The following SOX5 variants were observed in gnomAD, a reference collection of about 807,000 sequenced individuals.
The protein encoded by SOX5 is SRY-box transcription factor 5, also known as transcription factor SOX-5.
Under a neutral mutation model 92.0 loss-of-function variants are expected in SOX5, and 9 were observed. The observed-to-expected ratio is 0.10, with a 90% CI of 0.06 to 0.17. The LOEUF (loss-of-function observed/expected upper bound fraction) is 0.17. Ranked by LOEUF, SOX5 falls within the 10% of genes least tolerant of loss-of-function variation. The pLI is 1.00. For synonymous variants in SOX5, 344 were observed against 336.3 expected, an observed-to-expected ratio of 1.02 and a Z score of -0.25; for missense variants, 642 against 944.5, an observed-to-expected ratio of 0.68 and a Z score of 4.20.
At chr12:23,883,868 C>A (rs2097028763) in intron 2 of SOX5, among the ~76,000 whole-genome samples, 1 of 152,092 alleles carries the variant, frequency 6.6e-6, no homozygotes, top group African/African-American at 2.4e-5. Context: ...ATAACTGAAT[C>A]TGTTATAAAT....
intron 4 of SOX5, among the ~76,000 whole-genome samples, chr12:23,976,406 CAAAAAAA>C (rs869250917): frequency 2.6e-5 from 1 of 37,882 alleles, no homozygotes; most frequent in African/African-American, 8.7e-5. Context: ...AACAAAAAAA[CAAAAAAA>C]AAAAAAAAAA....
chr12:24,256,477 C>T (rs1267904518), intron 3 of SOX5, among the ~76,000 whole-genome samples: 2 of 152,166 alleles, frequency 1.3e-5, no homozygotes, highest in Non-Finnish European at 2.9e-5. Context: ...CGCCTTTTCC[C>T]GGGCCCTTCT....
At chr12:23,823,847 G>A (rs1199548479) in intron 3 of SOX5, among the ~76,000 whole-genome samples, 1 of 152,086 alleles carries the variant, frequency 6.6e-6, no homozygotes, top group Non-Finnish European at 1.5e-5. Context: ...TTGTCTTCAT[G>A]CTTTATTTCA....
At chr12:23,925,910 A>C (rs558556237) in intron 1 of SOX5, among the ~76,000 whole-genome samples, 1 of 152,206 alleles carries the variant, frequency 6.6e-6, no homozygotes, top group South Asian at 2.1e-4. Flanking sequence ...AAAAAATATA[A>C]TGTGGCACCA....
At chr12:23,890,796 C>T (rs947696359) in intron 2 of SOX5, among the ~76,000 whole-genome samples, 6 of 150,794 alleles carry the variant, frequency 4.0e-5, no homozygotes, top group African/African-American at 1.5e-4. Context: ...GAAGCAACAG[C>T]CTCCAAAGTC....
intron 2 of SOX5, among the ~76,000 whole-genome samples, chr12:24,311,305 T>G (rs1949152380): frequency 6.6e-6 from 1 of 152,208 alleles, no homozygotes; most frequent in Admixed American, 6.5e-5. Context: ...AAAAATATAG[T>G]TTTTCCTGGG....
At chr12:24,205,221 C>T (rs992775761) in intron 4 of SOX5, among the ~76,000 whole-genome samples, 15 of 152,138 alleles carry the variant, frequency 9.9e-5, no homozygotes, top group Non-Finnish European at 4.4e-5. Context: ...AGGCTTTACA[C>T]TTTTGAAGTA....
chr12:24,237,409 T>G (rs774603700), intron 3 of SOX5, among the ~76,000 whole-genome samples: 1 of 152,220 alleles, frequency 6.6e-6, no homozygotes, highest in African/African-American at 2.4e-5. Context: ...TTGGTCAATA[T>G]GAAAGTCGTT....
chr12:24,173,820 A>G (rs1337086291), intron 4 of SOX5, among the ~76,000 whole-genome samples: 1 of 152,172 alleles, frequency 6.6e-6, no homozygotes, highest in African/African-American at 2.4e-5. Context: ...AGTTAGGAAT[A>G]AGAAGTTATC....
chr12:24,093,409 A>G (rs1435777725), intron 4 of SOX5, among the ~76,000 whole-genome samples: 3 of 151,692 alleles, frequency 2.0e-5, no homozygotes, highest in Non-Finnish European at 4.4e-5. Flanking sequence ...TGTAGTCCCA[A>G]CTACTCGGGA....
At chr12:23,689,230 T>C (rs962539381) in intron 6 of SOX5, among the ~76,000 whole-genome samples, 2 of 152,094 alleles carry the variant, frequency 1.3e-5, no homozygotes, top group Non-Finnish European at 2.9e-5. Context: ...TATAGTTAAA[T>C]TCTTACTTAG....
intron 4 of SOX5, 72 bp downstream of exon 4, chr12:23,755,566 A>G (rs2094340379): frequency 3.7e-6 from 4 of 1,081,936 alleles, no homozygotes; most frequent in Non-Finnish European, 5.5e-6. Flanking sequence ...GAAATACTTT[A>G]TCACCATTAC....
chr12:23,889,356 T>A lies in SOX5; in HGVS notation c.270+6437A>T, dbSNP rs1158387802. Among the ~76,000 whole-genome samples the A allele has an allele frequency of 2.6e-5, 4 of 152,328 alleles. No homozygotes were observed. The East Asian group carries it at 7.7e-4, about 29-fold the overall frequency. On this transcript the variant is annotated intron_variant, in intron 2 of 14. Coordinates refer to ENST00000451604, the MANE Select transcript of SOX5 (RefSeq NM_006940.6). ...CCCTATTCTGTGACTTATTTTTAAG[T>A]AACACATGCATTTTTCTCTTTTCCT...
chr12:24,485,835 A>G (rs1946461712), intron 1 of SOX5, among the ~76,000 whole-genome samples: 1 of 152,320 alleles, frequency 6.6e-6, no homozygotes, highest in South Asian at 2.1e-4. Context: ...ACACATATTC[A>G]GTACATGCCT....
At chr12:24,294,889 G>T in intron 2 of SOX5, among the ~76,000 whole-genome samples, 1 of 152,126 alleles carries the variant, frequency 6.6e-6, no homozygotes, top group East Asian at 1.9e-4. Flanking sequence ...GCCTAATGCT[G>T]CATTTTCTGA....
intron 2 of SOX5, among the ~76,000 whole-genome samples, chr12:24,345,949 C>T (rs1328935324): frequency 6.6e-6 from 1 of 152,208 alleles, no homozygotes; most frequent in Non-Finnish European, 1.5e-5. Flanking sequence ...ATTACTACTA[C>T]ACATTAGTGT....
intron 1 of SOX5, among the ~76,000 whole-genome samples, chr12:24,418,968 G>A (rs903192320): frequency 2.6e-5 from 4 of 152,230 alleles, no homozygotes; most frequent in African/African-American, 9.6e-5. Context: ...AGTTGTCAGA[G>A]TTACCTAGAT....
intron 1 of SOX5, among the ~76,000 whole-genome samples, chr12:23,941,267 A>G (rs1943582422): frequency 6.6e-6 from 1 of 151,600 alleles, no homozygotes; most frequent in Admixed American, 6.6e-5. Context: ...TACTTATAAA[A>G]GTCCAAATAT....
chr12:23,850,286 G>C (rs2096617378), intron 2 of SOX5, among the ~76,000 whole-genome samples: 1 of 151,744 alleles, frequency 6.6e-6, no homozygotes, highest in African/African-American at 2.4e-5. Context: ...AAAATTAGCT[G>C]GGCGTGGTGG....
Sources: gnomAD v4.1 joint callset for allele counts (sites outside exome capture counted in the v4.1 genomes callset) on GRCh38, gnomAD v4.1.1 for gene constraint, MANE v1.5 for transcripts, NCBI Gene and HGNC (gene_info 2026-07-23, HGNC 2026-07-21) for gene names.